The following ATRNL1 variants were observed in gnomAD, a reference collection of about 807,000 sequenced individuals.
ATRNL1 encodes attractin like 1.
In ATRNL1, 95 loss-of-function variants were observed where a neutral mutation model predicts 182.7. The ratio of observed to expected loss-of-function variants is 0.52; its 90% CI spans 0.44 to 0.62. ATRNL1 has a LOEUF of 0.62. Ranked by LOEUF, ATRNL1 falls within the 20% of genes least tolerant of loss-of-function variation. The probability of loss-of-function intolerance (pLI) is 0.00; values close to 1 mark genes in which losing one functional copy is unlikely to be tolerated. For synonymous variants in ATRNL1, 576 were observed against 568.3 expected, an observed-to-expected ratio of 1.01 and a Z score of -0.19; for missense variants, 1,471 against 1,679.5, an observed-to-expected ratio of 0.88 and a Z score of 2.17.
At position 115,780,761 on chromosome 10, in the gene ATRNL1, T is replaced by C. The variant is rs570632882; in HGVS notation, c.3903+53406T>C. 3.9e-5 allele frequency among the ~76,000 whole-genome samples: 6 copies of C among 152,260 alleles called. No homozygotes were observed. In the South Asian group the frequency reaches 1.2e-3, roughly 32 times the overall value. ...AAGGATCCAGGCCAGGCAAGATTCATCACCTGCTGACTAAAGCGTCTTTGG... is the reference window on the plus strand; with the variant it reads ...AAGGATCCAGGCCAGGCAAGATTCACCACCTGCTGACTAAAGCGTCTTTGG... On this transcript the variant is annotated intron_variant, in intron 27 of 28. Coordinates refer to ENST00000355044, the MANE Select transcript of ATRNL1 (RefSeq NM_207303.4).
At chr10:115,818,226 A>G (rs1950213032) in intron 27 of ATRNL1, among the ~76,000 whole-genome samples, 1 of 141,290 alleles carries the variant, frequency 7.1e-6, no homozygotes, top group African/African-American at 2.6e-5. Context: ...TGCTTTACTC[A>G]CTAGTTTCAG....
At chr10:115,349,920 T>C (rs1365849743) in intron 19 of ATRNL1, among the ~76,000 whole-genome samples, 1 of 152,198 alleles carries the variant, frequency 6.6e-6, no homozygotes, top group Non-Finnish European at 1.5e-5. Flanking sequence ...CTTTACTTTG[T>C]TGATTGTTAG....
intron 25 of ATRNL1, among the ~76,000 whole-genome samples, chr10:115,529,943 AT>A (rs1197718638): frequency 6.6e-6 from 1 of 152,070 alleles, no homozygotes; most frequent in African/African-American, 2.4e-5. Flanking sequence ...CTGTCCATAG[AT>A]TTGCCTATTC....
chr10:115,871,022 C>T (rs1187309614), intron 28 of ATRNL1, among the ~76,000 whole-genome samples: 3 of 152,062 alleles, frequency 2.0e-5, no homozygotes, highest in African/African-American at 7.2e-5. Flanking sequence ...TTAGATAACA[C>T]AAATATTTTA....
intron 9 of ATRNL1, among the ~76,000 whole-genome samples, chr10:115,226,913 A>T (rs1159232279): frequency 6.6e-6 from 1 of 152,162 alleles, no homozygotes; most frequent in Non-Finnish European, 1.5e-5. Flanking sequence ...CTTTCAACAT[A>T]TACAAAATCA....
chr10:115,142,589 G>A (rs1845795768), intron 5 of ATRNL1, among the ~76,000 whole-genome samples: 1 of 152,144 alleles, frequency 6.6e-6, no homozygotes, highest in African/African-American at 2.4e-5. Context: ...TGAAATGAGG[G>A]AGCCATTGAA....
At chr10:115,653,043 A>T (rs1860111783) in intron 26 of ATRNL1, among the ~76,000 whole-genome samples, 1 of 152,148 alleles carries the variant, frequency 6.6e-6, no homozygotes, top group Non-Finnish European at 1.5e-5. Context: ...ACAACTCTTA[A>T]ACTGTAAACT....
intron 15 of ATRNL1, among the ~76,000 whole-genome samples, chr10:115,287,238 T>C (rs1460994765): frequency 1.5e-4 from 23 of 152,210 alleles, no homozygotes; most frequent in African/African-American, 5.5e-4. Flanking sequence ...ATGTTTCTCA[T>C]GTGTAAACTG....
chr10:115,421,516 GA>G, intron 20 of ATRNL1, among the ~76,000 whole-genome samples: 1 of 152,150 alleles, frequency 6.6e-6, no homozygotes, highest in Non-Finnish European at 1.5e-5. Context: ...TAAAACCGCT[GA>G]AAAATTAGGT....
intron 26 of ATRNL1, among the ~76,000 whole-genome samples, chr10:115,598,350 A>ATTAT (rs35735636): frequency 0.26 from 37,479 of 145,500 alleles, 5,467 homozygotes; most frequent in East Asian, 0.55. Context: ...ATTTAAAAAA[A>ATTAT]TTATTTATTT....
chr10:115,939,413 A>C (rs1953659146), intron 28 of ATRNL1, among the ~76,000 whole-genome samples: 1 of 152,228 alleles, frequency 6.6e-6, no homozygotes, highest in Admixed American at 6.5e-5. Context: ...TTCCTATTTA[A>C]ATAATCTAAA....
intron 27 of ATRNL1, among the ~76,000 whole-genome samples, chr10:115,737,269 TCCC>T (rs11326417): frequency 9.2e-5 from 13 of 140,724 alleles, no homozygotes; most frequent in South Asian, 2.3e-4. Context: ...CTACAAAACA[TCCC>T]CCCCCCCCAA....
At chr10:115,354,306 C>T (rs1258822565) in intron 19 of ATRNL1, among the ~76,000 whole-genome samples, 3 of 152,076 alleles carry the variant, frequency 2.0e-5, no homozygotes, top group Non-Finnish European at 2.9e-5. Flanking sequence ...TATATGTTAG[C>T]AGCCTTTACT....
chr10:115,353,675 T>C (rs1290474870), intron 19 of ATRNL1, among the ~76,000 whole-genome samples: 1 of 152,224 alleles, frequency 6.6e-6, no homozygotes, highest in Non-Finnish European at 1.5e-5. Context: ...AGATTAGTGA[T>C]TTCCTCTGGC....
intron 26 of ATRNL1, among the ~76,000 whole-genome samples, chr10:115,585,935 T>A (rs572481930): frequency 0.12 from 1,136 of 9,320 alleles, 391 homozygotes; most frequent in Middle Eastern, 0.33. Context: ...AGGAGCTCTT[T>A]TAGGGCAGGC....
At chr10:115,663,117 G>A (rs969556483) in intron 26 of ATRNL1, among the ~76,000 whole-genome samples, 12 of 152,012 alleles carry the variant, frequency 7.9e-5, no homozygotes, top group African/African-American at 2.9e-4. Flanking sequence ...TATATGCCAA[G>A]GCCTGTGTTA....
chr10:115,331,753 T>C (rs1466496244), intron 18 of ATRNL1, among the ~76,000 whole-genome samples: 1 of 152,212 alleles, frequency 6.6e-6, no homozygotes, highest in Non-Finnish European at 1.5e-5. Context: ...GCATACTGAC[T>C]CTTGTATTTC....
intron 26 of ATRNL1, among the ~76,000 whole-genome samples, chr10:115,625,327 TAGA>T (rs1858023387): frequency 6.6e-6 from 1 of 152,202 alleles, no homozygotes; most frequent in African/African-American, 2.4e-5. Context: ...TTTGAGCTGA[TAGA>T]AATTTCTGAT....
chr10:115,859,029 C>A (rs1555102828), intron 28 of ATRNL1, among the ~76,000 whole-genome samples: 1 of 151,826 alleles, frequency 6.6e-6, no homozygotes, highest in Non-Finnish European at 1.5e-5. Context: ...CAGATGATCA[C>A]CTATAGCTGT....
Sources: allele counts gnomAD v4.1 joint callset (sites outside exome capture counted in the v4.1 genomes callset), GRCh38; gene constraint gnomAD v4.1.1; transcripts MANE v1.5; gene names NCBI Gene and HGNC (gene_info 2026-07-23, HGNC 2026-07-21).